The following HMGXB3 variants were observed in gnomAD, a reference collection of about 807,000 sequenced individuals.
HMGXB3 encodes HMG-box containing 3, also known as HMG domain-containing protein 3.
A neutral mutation model predicts 121.5 loss-of-function variants in HMGXB3; 45 were observed. The ratio of observed to expected loss-of-function variants is 0.37; its 90% confidence interval spans 0.29 to 0.47. The LOEUF (loss-of-function observed/expected upper bound fraction) is 0.47. Among genes scored for constraint, HMGXB3 ranks in the 20% least tolerant of loss-of-function variants. The probability of loss-of-function intolerance (pLI) is 0.99; values close to 1 mark genes in which losing one functional copy is unlikely to be tolerated. For missense variants in HMGXB3, 1,376 were observed against 1,602.2 expected, an observed-to-expected ratio of 0.86 and a Z score of 2.41; for synonymous variants, 590 against 624.1, an observed-to-expected ratio of 0.95 and a Z score of 0.81.
chr5:150,005,138 T>A, intron 2 of HMGXB3, 149 bp downstream of exon 2: 1 of 1,115,842 alleles, frequency 9.0e-7, no homozygotes, highest in Non-Finnish European at 1.2e-6. Context: ...GTGGAGGGAT[T>A]TCTGCCAGCA....
intron 3 of HMGXB3, among the ~76,000 whole-genome samples, chr5:150,008,947 C>T (rs1755769452): frequency 6.6e-6 from 1 of 152,290 alleles, no homozygotes; most frequent in African/African-American, 2.4e-5. Flanking sequence ...TCCTTTATGC[C>T]TTAAGTAGTC....
chr5:150,023,497 CT>C (rs1210001356), intron 6 of HMGXB3, among the ~76,000 whole-genome samples: 1 of 152,112 alleles, frequency 6.6e-6, no homozygotes, highest in Non-Finnish European at 1.5e-5. Context: ...GGTAGAAAAC[CT>C]TTCTGAAGAC....
chr5:150,043,423 G>A (rs2113759472), intron 15 of HMGXB3, among the ~76,000 whole-genome samples: 1 of 152,300 alleles, frequency 6.6e-6, no homozygotes, highest in East Asian at 1.9e-4. Context: ...TGACTTTCAG[G>A]TACTGGACTT....
intron 19 of HMGXB3, 122 bp from the exon 20 acceptor site, chr5:150,051,603 C>T (rs1038752980): frequency 2.4e-5 from 19 of 791,992 alleles, no homozygotes; most frequent in Non-Finnish European, 3.7e-5. Context: ...GCCTAGGAGA[C>T]ACAGTACATG....
intron 11 of HMGXB3, among the ~76,000 whole-genome samples, chr5:150,033,678 G>A (rs1328931648): frequency 6.6e-6 from 1 of 152,168 alleles, no homozygotes; most frequent in Non-Finnish European, 1.5e-5. Flanking sequence ...GAATGTCCTT[G>A]AGCCGGGGAG....
intron 1 of HMGXB3, 111 bp from the exon 2 acceptor site, chr5:150,004,740 A>G: frequency 4.5e-6 from 3 of 660,756 alleles, no homozygotes; most frequent in Non-Finnish European, 7.4e-6. Flanking sequence ...GGGTTTGGGA[A>G]ATGTCTAAGC....
rs1487288264 is a variant in HMGXB3 at position 150,018,574 on chromosome 5, A to G, written c.918A>G (p.Thr306=). 3 of 1,548,522 alleles carry G rather than the reference A, an allele frequency of 1.9e-6. No individual in the cohort carries two copies. The highest frequency in any genetic ancestry group is 1.7e-6 in the Non-Finnish European group (2 of 1,145,626). The change falls in exon 6 of 20, where the codon ACA becomes ACG. Residue 306 remains threonine, a synonymous_variant. Coordinates refer to ENST00000502717, the MANE Select transcript of HMGXB3 (RefSeq NM_014983.3). ...ENPTSIKLTT[T]YTRRGHGTCT... is the part of the protein sequence containing the mutation. Reference sequence around the variant, plus strand: ...GTGCTCTTTATTTACAGACCACTACATATACCCGCCGGGGCCATGGGACAT... The same window carrying G: ...GTGCTCTTTATTTACAGACCACTACGTATACCCGCCGGGGCCATGGGACAT...
chr5:150,051,872 G>A lies in HMGXB3; in HGVS notation c.3559G>A (p.Gly1187Arg). 6.4e-7 allele frequency: 1 copy of A among 1,551,292 alleles called. No homozygotes were observed. The highest frequency in any genetic ancestry group is 8.7e-7 in the Non-Finnish European group (1 of 1,147,086). The change falls in exon 20 of 20, where the codon GGG (glycine) becomes AGG (arginine). Residue 1187 changes from glycine (G) to arginine (R), a missense_variant. Coordinates refer to ENST00000502717, the MANE Select transcript of HMGXB3 (RefSeq NM_014983.3). The stretch of plus-strand genomic sequence containing the variant: ...GCCCAATCCTGGTGACCCCAGTGCT[G>A]GGCACCACTCCTTGGCCCTGTGCCC... ...LQPNPGDPSA[G>R]HHSLALCPEL...
At chr5:150,050,581 A>C in intron 19 of HMGXB3, 120 bp downstream of exon 19, 1 of 742,872 alleles carries the variant, frequency 1.3e-6, no homozygotes. Context: ...TCCCAGGTTC[A>C]AGCAGTTCTC....
intron 10 of HMGXB3, among the ~76,000 whole-genome samples, chr5:150,031,076 A>G (rs1449567479): frequency 6.6e-6 from 1 of 152,126 alleles, no homozygotes; most frequent in Non-Finnish European, 1.5e-5. Context: ...GACAGCTGAG[A>G]TTAGTGTATT....
chr5:150,028,034 G>A (rs1756274430), intron 9 of HMGXB3, among the ~76,000 whole-genome samples: 2 of 152,180 alleles, frequency 1.3e-5, no homozygotes, highest in African/African-American at 4.8e-5. Flanking sequence ...AGGAGGTCCT[G>A]ATGACATGTG....
chr5:150,016,225 C>T (rs1755956455), intron 5 of HMGXB3, among the ~76,000 whole-genome samples: 1 of 151,882 alleles, frequency 6.6e-6, no homozygotes, highest in South Asian at 2.1e-4. Context: ...CACCTATAGT[C>T]CCAGCTACTC....
In HMGXB3 at chr5:150,052,093, G is replaced by A. The variant is rs931868837; in HGVS notation, c.3780G>A (p.Val1260=). ...TACAGAGCTGCCAGCCTGGTGAGGT[G>A]GTCATTCGTGACACCCTCTACCGCC... is the stretch of plus-strand genomic sequence containing the variant. ...DIVQSCQPGE[V]VIRDTLYRLG... is the part of the protein sequence containing the mutation. Residue 1260 remains valine (V), a synonymous_variant, in exon 20 of 20, where the codon GTG becomes GTA. Transcript: ENST00000502717. The A allele has an allele frequency of 6.4e-7, 1 of 1,551,678 alleles. No individual in the cohort carries two copies. Among genetic ancestry groups the A allele is most frequent in the Non-Finnish European group, 8.7e-7 (1 of 1,147,032 alleles).
chr5:150,036,862 C>G lies in HMGXB3; in HGVS notation c.2210C>G (p.Ser737Cys). ...GAGACAGTCACCATCGAGCAAACCT[C>G]TTGGTCGAATTATTATGAGTCTCCG... The part of the protein sequence containing the change: ...SEETVTIEQT[S>C]WSNYYESPST... The change falls in exon 12 of 20, where the codon TCT becomes TGT. Residue 737 changes from serine to cysteine, a missense_variant. This residue lies in a region of HMGXB3 where 1,116 missense variants were observed against 1,369.0 expected (regional missense o/e 0.82). Coordinates refer to ENST00000502717, the MANE Select transcript of HMGXB3 (RefSeq NM_014983.3). 1 of 1,551,704 alleles carries G rather than the reference C, an allele frequency of 6.4e-7. No individual in the cohort carries two copies. Among genetic ancestry groups the G allele is most frequent in the South Asian group, 1.2e-5 (1 of 84,066 alleles).
rs187705731 is a variant in HMGXB3 at position 150,005,660 on chromosome 5, A to C, written c.137+671A>C. On this transcript the variant is annotated intron_variant, in intron 2 of 19. Coordinates refer to ENST00000502717, the MANE Select transcript of HMGXB3 (RefSeq NM_014983.3). ...CACACAAAAAGAAATAATACCAATT[A>C]TATCTGTACAGAATATCCAAATTGT... Among the ~76,000 whole-genome samples the C allele has an allele frequency of 3.3e-5, 5 of 152,254 alleles. No individual in the cohort carries two copies. In the South Asian group the frequency reaches 6.2e-4, roughly 19 times the overall value.
chr5:150,021,385 C>G (rs939210054), intron 6 of HMGXB3, among the ~76,000 whole-genome samples: 1 of 152,250 alleles, frequency 6.6e-6, no homozygotes, highest in Non-Finnish European at 1.5e-5. Context: ...ATTGCCTTTT[C>G]CACTAAACCA....
chr5:150,012,591 T>C (rs1348683748), intron 5 of HMGXB3, among the ~76,000 whole-genome samples: 4 of 152,214 alleles, frequency 2.6e-5, no homozygotes, highest in Admixed American at 6.5e-5. Context: ...TGAACTCACC[T>C]CAAGTTTTAT....
chr5:150,033,568 T>C (rs1465630458), intron 11 of HMGXB3, among the ~76,000 whole-genome samples: 1 of 151,296 alleles, frequency 6.6e-6, no homozygotes, highest in Admixed American at 6.6e-5. Context: ...GGGCATGGGG[T>C]GGGAGAAGGG....
chr5:150,048,911 G>T (rs1012836663), intron 18 of HMGXB3, among the ~76,000 whole-genome samples: 2 of 152,188 alleles, frequency 1.3e-5, no homozygotes, highest in Admixed American at 6.5e-5. Flanking sequence ...GCTGTTGAGG[G>T]TATAAGGGCG....
Sources: gnomAD v4.1 joint callset for allele counts (sites outside exome capture counted in the v4.1 genomes callset) on GRCh38, gnomAD v4.1.1 for gene constraint, gnomAD v4.1.1 regional missense constraint, MANE v1.5 for transcripts, NCBI Gene and HGNC (gene_info 2026-07-23, HGNC 2026-07-21) for gene names.